DIP2C: variants seen among roughly 807,000 people sequenced by gnomAD.
The protein encoded by DIP2C is disco-interacting protein 2 homolog C.
Under a neutral mutation model 192.4 loss-of-function variants are expected in DIP2C, and 33 were observed. The ratio of observed to expected loss-of-function variants is 0.17; its 90% CI spans 0.13 to 0.23. The LOEUF is 0.23. Ranked by LOEUF, DIP2C falls within the 10% of genes least tolerant of loss-of-function variation. The pLI is 1.00. For missense variants in DIP2C, 1,537 were observed against 2,110.1 expected, an observed-to-expected ratio of 0.73 and a Z score of 5.32; for synonymous variants, 979 against 864.1, an observed-to-expected ratio of 1.13 and a Z score of -2.33.
At chr10:397,893 G>A (rs1255519566) in intron 10 of DIP2C, among the ~76,000 whole-genome samples, 1 of 152,182 alleles carries the variant, frequency 6.6e-6, no homozygotes, top group Non-Finnish European at 1.5e-5. Context: ...ATGGGAAGGA[G>A]GGGTCGGACA....
chr10:413,370 A>G (rs989821007), intron 8 of DIP2C, among the ~76,000 whole-genome samples: 8 of 152,254 alleles, frequency 5.3e-5, no homozygotes, highest in African/African-American at 1.7e-4. Flanking sequence ...TGAGTGATAC[A>G]TACCAGAAAG....
Position 598,334 on chromosome 10 carries a change from G to A in DIP2C, c.85+91160C>T, listed in dbSNP as rs816618. Reference sequence around the variant, plus strand: ...GGCAGCTGCGATCACATTTCCCATCGCACCAAGAGACCCCTGCATTGAGCA... The same window carrying A: ...GGCAGCTGCGATCACATTTCCCATCACACCAAGAGACCCCTGCATTGAGCA... On this transcript the variant is annotated intron_variant, in intron 1 of 36. Transcript: ENST00000280886. Among the ~76,000 whole-genome samples, 717 of 152,230 alleles carry A rather than the reference G, an allele frequency of 4.7e-3. 4 individuals carry two copies. The highest frequency in any genetic ancestry group is 0.017 in the African/African-American group (699 of 41,552).
chr10:545,197 ACT>A (rs1248210175), intron 1 of DIP2C, among the ~76,000 whole-genome samples: 49 of 45,620 alleles, frequency 1.1e-3, no homozygotes, highest in Non-Finnish European at 1.4e-3. Context: ...TTTGAGTTTC[ACT>A]CTCTCTGTCC....
chr10:481,096 C>T (rs1178905414), intron 2 of DIP2C, among the ~76,000 whole-genome samples: 1 of 152,058 alleles, frequency 6.6e-6, no homozygotes, highest in Non-Finnish European at 1.5e-5. Flanking sequence ...CTTGGGGTCA[C>T]CAGACTGTAA....
At chr10:621,384 A>AC (rs1853837556) in intron 1 of DIP2C, among the ~76,000 whole-genome samples, 1 of 135,188 alleles carries the variant, frequency 7.4e-6, no homozygotes, top group Admixed American at 7.4e-5. Context: ...AGCACACACC[A>AC]CCCCCGGGGT....
intron 3 of DIP2C, among the ~76,000 whole-genome samples, chr10:445,694 A>C (rs1968125953): frequency 1.3e-5 from 2 of 150,414 alleles, no homozygotes; most frequent in Admixed American, 1.3e-4. Flanking sequence ...GGACATCTGT[A>C]TACATCTGTT....
intron 29 of DIP2C, among the ~76,000 whole-genome samples, chr10:337,866 C>T (rs1459908401): frequency 6.8e-5 from 5 of 73,852 alleles, no homozygotes; most frequent in South Asian, 4.9e-4. Flanking sequence ...TGTGTGTGCA[C>T]GTGTGTTGTA....
intron 7 of DIP2C, among the ~76,000 whole-genome samples, chr10:414,753 A>ATTTTTTTTTTTTTTT (rs1965478113): frequency 7.4e-6 from 1 of 134,954 alleles, no homozygotes; most frequent in African/African-American, 2.8e-5. Flanking sequence ...ATATATATAT[A>ATTTTTTTTTTTTTTT]TATAATGTGT....
chr10:331,243 A>G (rs1957495511), intron 29 of DIP2C, among the ~76,000 whole-genome samples: 1 of 152,222 alleles, frequency 6.6e-6, no homozygotes, highest in Non-Finnish European at 1.5e-5. Context: ...ATAATTGTTT[A>G]TAAGAGAATC....
At chr10:671,921 G>A (rs1449427227) in intron 1 of DIP2C, among the ~76,000 whole-genome samples, 1 of 133,796 alleles carries the variant, frequency 7.5e-6, no homozygotes, top group East Asian at 2.4e-4. Context: ...ACAGACGCAC[G>A]GAAGGAGGAA....
chr10:581,376 A>G lies in DIP2C; in HGVS notation c.86-94846T>C, dbSNP rs144565408. ...AAAATACAGGCAGTCTTCTGCAAAT[A>G]TGAGTTTCTAGGAATACAAAAGTCA... On this transcript the variant is annotated intron_variant, in intron 1 of 36. Coordinates refer to ENST00000280886, the MANE Select transcript of DIP2C (RefSeq NM_014974.3). Among the ~76,000 whole-genome samples, 346 of 152,352 alleles carry G rather than the reference A, an allele frequency of 2.3e-3. 1 individual carries two copies. Among genetic ancestry groups the G allele is most frequent in the Middle Eastern group, 0.017 (5 of 294 alleles).
At position 389,926 on chromosome 10, in the gene DIP2C, T is replaced by G. The variant is rs1319674572; in HGVS notation, c.1597+65A>C. 3 of 1,277,268 alleles carry G rather than the reference T, an allele frequency of 2.3e-6. No individual in the cohort carries two copies. In the African/African-American group the frequency reaches 4.4e-5, roughly 19 times the overall value. 79.1% of individuals were successfully genotyped at this position (1,277,268 alleles called of 1,614,324 possible). ...TCTATGGCTCCTCGTGGGAGTGATG[T>G]GGCCTTCGTGTCAGGTGTCCCGGTT... On this transcript the variant is annotated intron_variant, in intron 13 of 36. Coordinates refer to ENST00000280886, the MANE Select transcript of DIP2C (RefSeq NM_014974.3).
intron 10 of DIP2C, among the ~76,000 whole-genome samples, chr10:393,459 C>G (rs1306298701): frequency 6.6e-6 from 1 of 152,168 alleles, no homozygotes; most frequent in African/African-American, 2.4e-5. Context: ...CTCCACATCA[C>G]TAATCATCAG....
chr10:497,877 A>T (rs569341617), intron 1 of DIP2C, among the ~76,000 whole-genome samples: 54 of 152,364 alleles, frequency 3.5e-4, no homozygotes, highest in African/African-American at 1.3e-3. Flanking sequence ...TCATGAGATG[A>T]AAAATTTTTT....
intron 1 of DIP2C, among the ~76,000 whole-genome samples, chr10:593,049 G>C (rs1172738456): frequency 1.3e-5 from 2 of 152,168 alleles, no homozygotes; most frequent in South Asian, 4.2e-4. Flanking sequence ...GGGTATGAGA[G>C]AGTAGCTTAC....
At chr10:316,532 C>T (rs1013684105) in intron 31 of DIP2C, among the ~76,000 whole-genome samples, 3 of 152,212 alleles carry the variant, frequency 2.0e-5, no homozygotes, top group Non-Finnish European at 4.4e-5. Context: ...AGGGCAAGGG[C>T]GCTGCAGAGG....
intron 1 of DIP2C, among the ~76,000 whole-genome samples, chr10:615,623 A>G (rs1220344290): frequency 6.7e-6 from 1 of 149,374 alleles, no homozygotes; most frequent in Non-Finnish European, 1.5e-5. Flanking sequence ...ATACACACAC[A>G]CACCCGCCCC....
intron 3 of DIP2C, among the ~76,000 whole-genome samples, chr10:451,022 T>C (rs1031375802): frequency 6.6e-6 from 1 of 152,110 alleles, no homozygotes; most frequent in Non-Finnish European, 1.5e-5. Context: ...AGCCTGTGAG[T>C]TCCTCAGGGC....
intron 10 of DIP2C, among the ~76,000 whole-genome samples, chr10:395,677 C>G (rs889170069): frequency 6.6e-6 from 1 of 152,198 alleles, no homozygotes; most frequent in East Asian, 1.9e-4. Context: ...TATATTGGCA[C>G]AGAGAGGGCA....
Sources: gnomAD v4.1 joint callset for allele counts (sites outside exome capture counted in the v4.1 genomes callset) on GRCh38, gnomAD v4.1.1 for gene constraint, MANE v1.5 for transcripts, NCBI Gene and HGNC (gene_info 2026-07-23, HGNC 2026-07-21) for gene names.